The following SUN3 variants were observed in gnomAD, a reference collection of about 807,000 sequenced individuals.
SUN3 encodes the protein SUN domain-containing protein 3.
In SUN3, 36 loss-of-function variants were observed where a neutral mutation model predicts 48.2. That is an observed-to-expected ratio of 0.75 (90% CI 0.57 to 0.99). SUN3 has a LOEUF of 0.99. Among genes scored for constraint, SUN3 ranks in the 50% least tolerant of loss-of-function variants. The pLI, the probability that SUN3 is intolerant of heterozygous loss-of-function variation, is 0.00. For synonymous variants in SUN3, 148 were observed against 147.9 expected, an observed-to-expected ratio of 1.00 and a Z score of 0.00; for missense variants, 419 against 433.1, an observed-to-expected ratio of 0.97 and a Z score of 0.29.
intron 6 of SUN3, chr7:48,000,158 A>ATGGAGTTTCGC (rs1421111109): frequency 3.9e-5 from 6 of 152,234 alleles, no homozygotes; most frequent in Non-Finnish European, 7.3e-5. Flanking sequence ...TTGTTTTGAG[A>ATGGAGTTTCGC]TGGAGTTTCG....
At chr7:48,027,041 A>G (rs947503946) in intron 1 of SUN3, among the ~76,000 whole-genome samples, 1 of 152,158 alleles carries the variant, frequency 6.6e-6, no homozygotes, top group Non-Finnish European at 1.5e-5. Flanking sequence ...CCTGAGCTCT[A>G]TCCCCATTAA....
At chr7:48,027,561 T>C (rs1790169159) in intron 1 of SUN3, among the ~76,000 whole-genome samples, 1 of 152,178 alleles carries the variant, frequency 6.6e-6, no homozygotes, top group South Asian at 2.1e-4. Flanking sequence ...CCGGATAAAG[T>C]ATTACAAGTT....
At chr7:48,010,184 A>G (rs1382375202) in intron 3 of SUN3, among the ~76,000 whole-genome samples, 1 of 152,160 alleles carries the variant, frequency 6.6e-6, no homozygotes, top group Non-Finnish European at 1.5e-5. Flanking sequence ...ATATGCACAC[A>G]TGCACAGCCC....
chr7:48,024,564 C>T (rs1790083367), intron 2 of SUN3, among the ~76,000 whole-genome samples: 1 of 151,958 alleles, frequency 6.6e-6, no homozygotes, highest in African/African-American at 2.4e-5. Flanking sequence ...ATTTGTGTTG[C>T]TGTAAAGGAA....
Position 47,987,370 on chromosome 7 carries a change from T to C in SUN3, c.1034A>G (p.Tyr345Cys), listed in dbSNP as rs1407444443. 3 of 1,612,102 alleles carry C rather than the reference T, an allele frequency of 1.9e-6. No individual in the cohort carries two copies. The highest frequency in any genetic ancestry group is 2.5e-6 in the Non-Finnish European group (3 of 1,178,874). ...NWGHPKYTCL[Y>C]RFRVHGTPGK... ...TGGTGTGCCATGGACCCTGAATCGA[T>C]ATAAACAAGTATACTTCGGGTGTCC... Residue 345 changes from tyrosine (Y) to cysteine (C), a missense_variant, in exon 10 of 10, where the codon TAT (tyrosine) becomes TGT (cysteine). Tyr to Cys is a radical substitution (Grantham distance 194). Coordinates refer to ENST00000297325, the MANE Select transcript of SUN3 (RefSeq NM_001030019.2).
intron 7 of SUN3, 130 bp downstream of exon 7, chr7:47,995,901 G>A: frequency 1.9e-6 from 1 of 531,720 alleles, no homozygotes; most frequent in Non-Finnish European, 3.3e-6. Flanking sequence ...AATATAATGA[G>A]ATGATTTCAG....
chr7:48,030,029 G>GT (rs1200392629), upstream of SUN3, among the ~76,000 whole-genome samples: 3 of 152,076 alleles, frequency 2.0e-5, no homozygotes, highest in Non-Finnish European at 4.4e-5. Context: ...GTACTTGTGT[G>GT]TTTTTTCAGT....
In SUN3 at chr7:48,013,294, T is replaced by A. The variant is rs144580260; in HGVS notation, c.288+3968A>T. On this transcript the variant is annotated intron_variant, in intron 3 of 9. Coordinates refer to ENST00000297325, the MANE Select transcript of SUN3 (RefSeq NM_001030019.2). The stretch of plus-strand genomic sequence containing the variant: ...CTTCCTAATCTATAAATGGATTTAG[T>A]AATACTCTTACTGAAAAGTCATTTC... Among the ~76,000 whole-genome samples the A allele has an allele frequency of 7.6e-3, 1,165 of 152,340 alleles. 11 individuals carry two copies. Among genetic ancestry groups the A allele is most frequent in the Admixed American group, 0.016 (249 of 15,302 alleles).
chr7:48,028,681 A>C, intron 1 of SUN3, 136 bp downstream of exon 1: 1 of 1,145,784 alleles, frequency 8.7e-7, no homozygotes, highest in Non-Finnish European at 1.2e-6. Flanking sequence ...CTTCAAAGGA[A>C]ACTATTGAAA....
intron 8 of SUN3, among the ~76,000 whole-genome samples, chr7:47,990,746 G>C (rs962088343): frequency 2.0e-5 from 3 of 151,764 alleles, no homozygotes; most frequent in African/African-American, 7.3e-5. Flanking sequence ...TAAGAAACAG[G>C]ATCTGATGGA....
At chr7:47,996,581 T>C (rs1466131201) in intron 6 of SUN3, among the ~76,000 whole-genome samples, 2 of 152,232 alleles carry the variant, frequency 1.3e-5, no homozygotes. Context: ...GTAGCAATTA[T>C]GCAGATTCAT....
Position 47,992,694 on chromosome 7 carries a change from G to GA in SUN3, c.861+1620dup, listed in dbSNP as rs1193953098. ...TGAGGGCGCCAGAGGGATATCTTGG[G>GA]AAAAAAAAAAGAAAATAAATGAAAA... On this transcript the variant is annotated intron_variant, in intron 8 of 9. Transcript: ENST00000297325. Among the ~76,000 whole-genome samples, 301 of 144,464 alleles carry GA rather than the reference G, an allele frequency of 2.1e-3. 1 individual carries two copies. Among genetic ancestry groups the GA allele is most frequent in the African/African-American group, 6.8e-3 (269 of 39,356 alleles). 94.8% of individuals were successfully genotyped at this position (144,464 alleles called of 152,430 possible).
rs950074157 is a variant in SUN3 at position 48,006,002 on chromosome 7, C to T, written c.544G>A (p.Val182Ile). The T allele has an allele frequency of 1.2e-6, 2 of 1,613,504 alleles. No individual in the cohort carries two copies. Among genetic ancestry groups the T allele is most frequent in the East Asian group, 2.2e-5 (1 of 44,856 alleles). Reference sequence around the variant, plus strand: ...TTCAGGGCATAATCAGCCATCTCGACTTGGTCTTCTCTCAACTTTTTAAGT... The same window carrying T: ...TTCAGGGCATAATCAGCCATCTCGATTTGGTCTTCTCTCAACTTTTTAAGT... ...YVLKKLREDQVEMADYALKSA... is the reference protein window; with the variant it reads ...YVLKKLREDQIEMADYALKSA... The change falls in exon 6 of 10, where the codon GTC becomes ATC. Residue 182 changes from valine to isoleucine, a missense_variant. Val to Ile is a conservative substitution (Grantham distance 29). Transcript: ENST00000297325.
At chr7:48,032,822 TG>T (rs34605974), upstream of SUN3, among the ~76,000 whole-genome samples, 70,590 of 151,896 alleles carry the variant, frequency 0.46, 17,030 homozygotes, top group African/African-American at 0.6. Context: ...AGGGCAAAAG[TG>T]GGAGAGATGG....
intron 2 of SUN3, among the ~76,000 whole-genome samples, chr7:48,021,605 G>A (rs1789999090): frequency 6.6e-6 from 1 of 150,586 alleles, no homozygotes; most frequent in African/African-American, 2.4e-5. Flanking sequence ...AAAAAAATGG[G>A]CCAAAGATTC....
chr7:48,035,426 G>C, the SUN3 span: 1 of 670,158 alleles, frequency 1.5e-6, no homozygotes, highest in East Asian at 2.8e-5. The surrounding 1 kb of genome is among the most constrained non-coding windows in gnomAD (Gnocchi z 4.0). Flanking sequence ...TTGGCCCACC[G>C]CTCCCCCTCA....
At chr7:48,007,387 TTGC>T in intron 4 of SUN3, 60 bp from the exon 5 acceptor site, 2 of 1,533,122 alleles carry the variant, frequency 1.3e-6, no homozygotes, top group Non-Finnish European at 1.8e-6. Flanking sequence ...TTATCAGCTG[TTGC>T]TGGGCTCCAC....
chr7:48,021,811 C>A (rs1790004966), intron 2 of SUN3, among the ~76,000 whole-genome samples: 2 of 152,092 alleles, frequency 1.3e-5, no homozygotes, highest in African/African-American at 4.8e-5. Context: ...AACTCTCATA[C>A]ACTGTTGGTG....
Position 48,029,102 on chromosome 7 carries a change from G to A in SUN3, c.-164C>T, listed in dbSNP as rs180689406. ...CTTCTTGAAGACGGAATTTTGAAAA[G>A]CTTCTGATTCTTCTGTTGCATCATC... On this transcript the variant is annotated 5_prime_UTR_variant, in exon 1 of 10. Coordinates refer to ENST00000297325, the MANE Select transcript of SUN3 (RefSeq NM_001030019.2). 3.9e-3 allele frequency: 3,927 copies of A among 1,009,386 alleles called. 15 individuals are homozygous for A. The highest frequency in any genetic ancestry group is 4.6e-3 in the Non-Finnish European group (3,274 of 707,414). 62.5% of individuals were successfully genotyped at this position (1,009,386 alleles called of 1,614,324 possible).
Sources: allele counts gnomAD v4.1 joint callset (sites outside exome capture counted in the v4.1 genomes callset), GRCh38; gene constraint gnomAD v4.1.1; non-coding constraint Gnocchi (gnomAD v3.1); transcripts MANE v1.5; gene names NCBI Gene and HGNC (gene_info 2026-07-23, HGNC 2026-07-21).